Variants in GZF1 observed in about 807,000 individuals in gnomAD.
The protein encoded by GZF1 is GDNF inducible zinc finger protein 1.
Under a neutral mutation model 49.4 loss-of-function variants are expected in GZF1, and 28 were observed. The ratio of observed to expected loss-of-function variants is 0.57; its 90% confidence interval spans 0.42 to 0.78. The LOEUF is 0.78. GZF1 is among the 30% of genes least tolerant of loss of function. The pLI, the probability that GZF1 is intolerant of heterozygous loss-of-function variation, is 0.00. For synonymous variants in GZF1, 364 were observed against 356.0 expected, an observed-to-expected ratio of 1.02 and a Z score of -0.25; for missense variants, 798 against 916.2, an observed-to-expected ratio of 0.87 and a Z score of 1.67.
Position 23,371,445 on chromosome 20 carries a change from T to C in GZF1, c.*1004T>C, listed in dbSNP as rs975767548. The C allele has an allele frequency of 2.6e-5, 4 of 152,632 alleles. No individual in the cohort carries two copies. The highest frequency in any genetic ancestry group is 2.0e-4 in the Admixed American group (3 of 15,282). 9.5% of individuals were successfully genotyped at this position (152,632 alleles called of 1,614,324 possible). ...GCAAGTAACTGACATGTCTATTTCC[T>C]TGGGAGCATGTGAGAACATAGCAGT... On this transcript the variant is annotated 3_prime_UTR_variant, in exon 6 of 6. Transcript: ENST00000338121.
At position 23,365,164 on chromosome 20, in the gene GZF1, C is replaced by A; in HGVS notation, c.781C>A (p.Pro261Thr). The A allele has an allele frequency of 6.2e-7, 1 of 1,612,840 alleles. No individual in the cohort carries two copies. The highest frequency in any genetic ancestry group is 1.7e-5 in the Admixed American group (1 of 59,766). ...AEGDVGDYRCPQDQSPDRVGT... is the reference protein window; with the variant it reads ...AEGDVGDYRCTQDQSPDRVGT... ...GGGTGATGTGGGGGACTACAGGTGT[C>A]CCCAGGACCAAAGCCCGGACAGGGT... Residue 261 changes from proline to threonine, a missense_variant, in exon 2 of 6, where the codon CCC (proline) becomes ACC (threonine). By Grantham distance (38) the Pro-to-Thr change is conservative. Transcript: ENST00000338121.
At chr20:23,362,318 G>A (rs1980757709) in intron 1 of GZF1, 81 bp downstream of exon 1, 1 of 152,296 alleles carries the variant, frequency 6.6e-6, no homozygotes. Flanking sequence ...CGGCTGCTCT[G>A]TGGACCTGCG....
Position 23,366,418 on chromosome 20 carries a change from A to G in GZF1, c.1365-585A>G, listed in dbSNP as rs186513138. ...CAGCATGGTGTTCATTTTTTACTCT[A>G]TATAATAAGTTAAAAATACTTGGTT... On this transcript the variant is annotated intron_variant, in intron 2 of 5. Transcript: ENST00000338121. Among the ~76,000 whole-genome samples the G allele has an allele frequency of 8.5e-5, 13 of 152,282 alleles. No individual in the cohort carries two copies. In the East Asian group the frequency reaches 2.5e-3, roughly 29 times the overall value.
At position 23,364,874 on chromosome 20, in the gene GZF1, G is replaced by A. The variant is rs139704196; in HGVS notation, c.491G>A (p.Arg164Lys). Reference sequence around the variant, plus strand: ...CAAGTTAGTGCTGCTCCTGCCCCCAGGGCAAGTGTGGCCACCGATGGCCCT... The same window carrying A: ...CAAGTTAGTGCTGCTCCTGCCCCCAAGGCAAGTGTGGCCACCGATGGCCCT... The part of the protein sequence containing the change: ...GSQVSAAPAP[R>K]ASVATDGPHP... The change falls in exon 2 of 6, where the codon AGG (arginine) becomes AAG (lysine). Residue 164 changes from arginine (R) to lysine (K), a missense_variant. By Grantham distance (26) the Arg-to-Lys change is conservative. Transcript: ENST00000338121. 8.5e-5 allele frequency: 137 copies of A among 1,614,198 alleles called. No individual in the cohort carries two copies. The African/African-American group carries it at 1.7e-3, about 20-fold the overall frequency.
rs1267172265 is a variant in GZF1 at position 23,365,810 on chromosome 20, C to A, written c.1364+63C>A. The A allele has an allele frequency of 4.2e-6, 6 of 1,444,068 alleles. No homozygotes were observed. The African/African-American group carries it at 5.8e-5, about 14-fold the overall frequency. 89.5% of individuals were successfully genotyped at this position (1,444,068 alleles called of 1,614,324 possible). A position where few individuals can be genotyped will look rare whatever the true frequency, so the allele number is the denominator to read the frequency against. On this transcript the variant is annotated intron_variant, in intron 2 of 5. Transcript: ENST00000338121. ...GGAAGGGTGTGTCAAGCACTGAGGT[C>A]GTCCTGGGATTTGATGTCTCACTGC... is the stretch of plus-strand genomic sequence containing the variant.
intron 4 of GZF1, among the ~76,000 whole-genome samples, chr20:23,369,131 G>A (rs1197750987): frequency 6.6e-6 from 1 of 152,224 alleles, no homozygotes; most frequent in Non-Finnish European, 1.5e-5. Context: ...GTGTAAACGG[G>A]AGAAGACTAA....
chr20:23,371,159 GTCTTAAAAAAA>G lies in GZF1; in HGVS notation c.*721_*731del, dbSNP rs1982038930. ...GAAATGAGATGAGGCTGTTCAGTTT[GTCTTAAAAAAA>G]TCAGATTAGGTAAAAGCTGTCCTAC... On this transcript the variant is annotated 3_prime_UTR_variant, in exon 6 of 6. Coordinates refer to ENST00000338121, the MANE Select transcript of GZF1 (RefSeq NM_022482.5). 1 of 152,596 alleles carries G rather than the reference GTCTTAAAAAAA, an allele frequency of 6.6e-6. No homozygotes were observed. Among genetic ancestry groups the G allele is most frequent in the African/African-American group, 2.4e-5 (1 of 41,442 alleles). 9.5% of individuals were successfully genotyped at this position (152,596 alleles called of 1,614,324 possible).
Position 23,365,596 on chromosome 20 carries a change from G to C in GZF1, c.1213G>C (p.Glu405Gln). 6.2e-7 allele frequency: 1 copy of C among 1,608,614 alleles called. No homozygotes were observed. ...HVLQVHEGGG[E>Q]RHRCGQCGKG... ...GCTGCAGGTGCATGAGGGCGGCGGCGAGCGGCACCGCTGCGGCCAGTGCGG... is the reference window on the plus strand; with the variant it reads ...GCTGCAGGTGCATGAGGGCGGCGGCCAGCGGCACCGCTGCGGCCAGTGCGG... The change falls in exon 2 of 6, where the codon GAG becomes CAG. Residue 405 changes from glutamate to glutamine, a missense_variant. Around this residue, in one of 3 missense-constraint regions of GZF1, gnomAD observed 446 missense variants for 540.1 expected, o/e 0.83. Transcript: ENST00000338121.
In GZF1 at chr20:23,369,502, A is replaced by ATCAT. The variant is rs1981811387; in HGVS notation, c.1628-78_1628-75dup. ...AGGCTTCCCAGTGGTTTGCAACAGC[A>ATCAT]TCATTCACTCAAGTGTGTATTCAGA... On this transcript the variant is annotated intron_variant, in intron 4 of 5. Transcript: ENST00000338121. 2.3e-6 allele frequency: 3 copies of ATCAT among 1,286,170 alleles called. No homozygotes were observed. The African/African-American group carries it at 4.5e-5, about 19-fold the overall frequency. The allele number at this position is 1,286,170 out of a possible 1,614,324, so 79.7% of individuals were successfully genotyped here. A position where few individuals can be genotyped will look rare whatever the true frequency, so the allele number is the denominator to read the frequency against.
intron 3 of GZF1, among the ~76,000 whole-genome samples, chr20:23,367,865 A>T (rs1446133024): frequency 6.6e-6 from 1 of 152,072 alleles, no homozygotes; most frequent in Non-Finnish European, 1.5e-5. Flanking sequence ...AATTCTTCTC[A>T]GTTTCTTCTT....
In GZF1 at chr20:23,372,423, G is replaced by A. The variant is rs1350785625; in HGVS notation, c.*1982G>A. 3 of 152,146 alleles carry A rather than the reference G, an allele frequency of 2.0e-5. No individual in the cohort carries two copies. The highest frequency in any genetic ancestry group is 7.2e-5 in the African/African-American group (3 of 41,422). 9.4% of individuals were successfully genotyped at this position (152,146 alleles called of 1,614,324 possible). A position where few individuals can be genotyped will look rare whatever the true frequency, so the allele number is the denominator to read the frequency against. On this transcript the variant is annotated 3_prime_UTR_variant, in exon 6 of 6. Transcript: ENST00000338121. ...TAGGATTAAGCTGTTTAACTGCTTGGATCCCAGTTGGTCTCTGGCAGTGGG... is the reference window on the plus strand; with the variant it reads ...TAGGATTAAGCTGTTTAACTGCTTGAATCCCAGTTGGTCTCTGGCAGTGGG...
chr20:23,362,602 A>T (rs1347314534), intron 1 of GZF1: 1 of 152,294 alleles, frequency 6.6e-6, no homozygotes, highest in Non-Finnish European at 1.5e-5. Flanking sequence ...GTGGCCGTGG[A>T]CTGGGCTGCG....
At chr20:23,368,739 CTT>C (rs781064621) in intron 3 of GZF1, 21 bp from the exon 4 acceptor site, 14 of 1,587,440 alleles carry the variant, frequency 8.8e-6, no homozygotes, top group East Asian at 2.3e-5. Flanking sequence ...TTGTTTATGA[CTT>C]TATTTCATTT....
chr20:23,364,379 G>C lies in GZF1; in HGVS notation c.-5G>C. 4 of 1,548,618 alleles carry C rather than the reference G, an allele frequency of 2.6e-6. No homozygotes were observed. The highest frequency in any genetic ancestry group is 3.5e-6 in the Non-Finnish European group (4 of 1,145,826). Reference sequence around the variant, plus strand: ...TTTTCAAAGCTGTTTTTGGAAGGAAGAAAGATGGAAAGCGGTGCAGTTCTG... The same window carrying C: ...TTTTCAAAGCTGTTTTTGGAAGGAACAAAGATGGAAAGCGGTGCAGTTCTG... On this transcript the variant is annotated 5_prime_UTR_variant, in exon 2 of 6. Transcript: ENST00000338121.
rs1468393126 is a variant in GZF1, at chr20:23,370,398, A to G, written c.2093A>G (p.Asp698Gly). The G allele has an allele frequency of 6.2e-7, 1 of 1,613,782 alleles. No homozygotes were observed. Among genetic ancestry groups the G allele is most frequent in the African/African-American group, 1.3e-5 (1 of 74,910 alleles). The change falls in exon 6 of 6, where the codon GAC (aspartate) becomes GGC (glycine). Residue 698 changes from aspartate to glycine, a missense_variant. Asp to Gly is a moderately conservative substitution (Grantham distance 94). Transcript: ENST00000338121. ...CTTAGCGAGCTGACCCCACAGACAGACTCGATGCCCACACAGCTTCACTCT... is the reference window on the plus strand; with the variant it reads ...CTTAGCGAGCTGACCCCACAGACAGGCTCGATGCCCACACAGCTTCACTCT... ...SELSELTPQT[D>G]SMPTQLHSLS...
At chr20:23,363,598 A>G (rs1949931921) in intron 1 of GZF1, among the ~76,000 whole-genome samples, 1 of 152,194 alleles carries the variant, frequency 6.6e-6, no homozygotes, top group South Asian at 2.1e-4. Flanking sequence ...GTCCTCATCT[A>G]TGAAATGGGG....
Position 23,365,667 on chromosome 20 carries a change from A to G in GZF1, c.1284A>G (p.Thr428=). 6.3e-7 allele frequency: 1 copy of G among 1,598,244 alleles called. No homozygotes were observed. Among genetic ancestry groups the G allele is most frequent in the South Asian group, 1.1e-5 (1 of 90,868 alleles). The part of the protein sequence containing the change: ...SKTALRLHER[T]HTGDRPYGCT... ...CAGCGCTGCGGCTGCACGAGCGCAC[A>G]CACACGGGAGACCGGCCCTACGGCT... is the stretch of plus-strand genomic sequence containing the variant. Residue 428 remains threonine, a synonymous_variant, in exon 2 of 6, where the codon ACA becomes ACG. Coordinates refer to ENST00000338121, the MANE Select transcript of GZF1 (RefSeq NM_022482.5).
chr20:23,367,277 A>T (rs1981511869), intron 3 of GZF1, among the ~76,000 whole-genome samples, 180 bp downstream of exon 3: 1 of 152,222 alleles, frequency 6.6e-6, no homozygotes, highest in African/African-American at 2.4e-5. Flanking sequence ...GCTAGTGTGC[A>T]CATGGCTGTG....
Position 23,369,595 on chromosome 20 carries a change from T to C in GZF1, c.1639T>C (p.Tyr547His). The C allele has an allele frequency of 6.2e-7, 1 of 1,612,488 alleles. No homozygotes were observed. The highest frequency in any genetic ancestry group is 8.5e-7 in the Non-Finnish European group (1 of 1,179,106). Residue 547 changes from tyrosine (Y) to histidine (H), a missense_variant, in exon 5 of 6, where the codon TAC becomes CAC. Tyr to His is a moderately conservative substitution (Grantham distance 83). Around this residue, in one of 3 missense-constraint regions of GZF1, gnomAD observed 446 missense variants for 540.1 expected, o/e 0.83. Transcript: ENST00000338121. ...HIKVHTGERP[Y>H]CCDQCGKQFT... ...TCTCCCTGCCTCAGGGGAGCGTCCC[T>C]ACTGCTGTGACCAGTGCGGCAAGCA... is the stretch of plus-strand genomic sequence containing the variant.
Sources: gnomAD v4.1 joint callset for allele counts (sites outside exome capture counted in the v4.1 genomes callset) on GRCh38, gnomAD v4.1.1 for gene constraint, gnomAD v4.1.1 regional missense constraint, MANE v1.5 for transcripts, NCBI Gene and HGNC (gene_info 2026-07-23, HGNC 2026-07-21) for gene names.